LRRC32: variants seen among roughly 807,000 people sequenced by gnomAD.
The protein encoded by LRRC32 is transforming growth factor beta activator LRRC32.
Under a neutral mutation model 15.0 loss-of-function variants are expected in LRRC32, and 5 were observed. The observed-to-expected ratio is 0.33, with a 90% CI of 0.17 to 0.70. The LOEUF (loss-of-function observed/expected upper bound fraction) is 0.70, where lower values mean the gene tolerates loss of function less well. Ranked by LOEUF, LRRC32 falls within the 30% of genes least tolerant of loss-of-function variation. The probability of loss-of-function intolerance (pLI) is 0.66; values close to 1 mark genes in which losing one functional copy is unlikely to be tolerated. For missense variants in LRRC32, 803 were observed against 854.2 expected (o/e 0.94, Z 0.75); for synonymous variants, 391 against 403.9 (o/e 0.97, Z 0.38).
intron 1 of LRRC32, among the ~76,000 whole-genome samples, 200 bp downstream of exon 1, chr11:76,670,414 A>T (rs987862056): frequency 1.3e-5 from 2 of 152,182 alleles, no homozygotes; most frequent in African/African-American, 4.8e-5. Context: ...TGCGGGAAAG[A>T]TCCGCCAAGA....
At chr11:76,669,594 A>C (rs1006687226) in intron 1 of LRRC32, among the ~76,000 whole-genome samples, 76 of 152,162 alleles carry the variant, frequency 5.0e-4, no homozygotes, top group African/African-American at 1.7e-3. Flanking sequence ...AAGTGAAGTG[A>C]CTTACCCCCA....
Position 76,660,058 on chromosome 11 carries a change from C to T in LRRC32, c.1535G>A (p.Cys512Tyr). ...GLMVLQVDLP[C>Y]FICLKRLNLA... ...ATTGAGCCGCTTGAGGCAGATGAAG[C>T]AGGGCAGGTCCACCTGCAGGACCAT... Residue 512 changes from cysteine (C) to tyrosine (Y), a missense_variant, in exon 3 of 3, where the codon TGC becomes TAC. Cys to Tyr is a radical substitution (Grantham distance 194, BLOSUM62 -2). Transcript: ENST00000260061. The T allele has an allele frequency of 6.2e-7, 1 of 1,614,130 alleles. No homozygotes were observed. The highest frequency in any genetic ancestry group is 2.2e-5 in the East Asian group (1 of 44,890).
rs765958628 is a variant in LRRC32, at chr11:76,660,672, C to T, written c.921G>A (p.Gly307=). The part of the protein sequence containing the change: ...WSALPLSAPS[G]NASGRPLSQL... The stretch of plus-strand genomic sequence containing the variant: ...GGGAAAGGGGGCGGCCGCTGGCATT[C>T]CCGCTGGGGGCTGAGAGGGGCAGGG... Residue 307 remains glycine, a synonymous_variant, in exon 3 of 3, where the codon GGG becomes GGA. Transcript: ENST00000260061. 6.2e-7 allele frequency: 1 copy of T among 1,614,138 alleles called. No homozygotes were observed. The highest frequency in any genetic ancestry group is 8.5e-7 in the Non-Finnish European group (1 of 1,180,016).
At chr11:76,666,061 C>A in intron 1 of LRRC32, 103 bp from the exon 2 acceptor site, 1 of 1,013,908 alleles carries the variant, frequency 9.9e-7, no homozygotes, top group East Asian at 2.4e-5. Context: ...CAGGGAACCC[C>A]AGAGCACGGC....
In LRRC32 at chr11:76,666,835, C is replaced by T. The variant is rs535950415; in HGVS notation, c.-4-877G>A. On this transcript the variant is annotated intron_variant, in intron 1 of 2. Coordinates refer to ENST00000260061, the MANE Select transcript of LRRC32 (RefSeq NM_001128922.2). ...CATTCACACCTTTACTGAATACCTC[C>T]TCATGTCTGGCTCTGTGCTGGGAAC... Among the ~76,000 whole-genome samples, 3 of 152,378 alleles carry T rather than the reference C, an allele frequency of 2.0e-5. No homozygotes were observed. In the South Asian group the frequency reaches 6.2e-4, roughly 32 times the overall value.
chr11:76,668,082 A>T (rs61893519), intron 1 of LRRC32, among the ~76,000 whole-genome samples: 1 of 150,860 alleles, frequency 6.6e-6, no homozygotes, highest in African/African-American at 2.4e-5. Context: ...GGGGCTCACC[A>T]TCCTTTAAGA....
At position 76,658,275 on chromosome 11, in the gene LRRC32, T is replaced by C. The variant is rs1463112412; in HGVS notation, c.*1329A>G. On this transcript the variant is annotated 3_prime_UTR_variant, in exon 3 of 3. Coordinates refer to ENST00000260061, the MANE Select transcript of LRRC32 (RefSeq NM_001128922.2). The stretch of plus-strand genomic sequence containing the variant: ...TGTGCAATGGGGAGGTTGGATTCCA[T>C]AGTCTCAAACTCCAGGCTCTGCTCA... The C allele has an allele frequency of 6.6e-6, 1 of 152,338 alleles. No individual in the cohort carries two copies. Among genetic ancestry groups the C allele is most frequent in the African/African-American group, 2.4e-5 (1 of 41,426 alleles). 9.4% of individuals were successfully genotyped at this position (152,338 alleles called of 1,614,324 possible). A position where few individuals can be genotyped will look rare whatever the true frequency, so the allele number is the denominator to read the frequency against.
In LRRC32 at chr11:76,659,987, C is replaced by T. The variant is rs1952483682; in HGVS notation, c.1606G>A (p.Val536Met). The T allele has an allele frequency of 1.9e-6, 3 of 1,614,158 alleles. No homozygotes were observed. Among genetic ancestry groups the T allele is most frequent in the East Asian group, 2.2e-5 (1 of 44,880 alleles). ...LSHLPAWTQA[V>M]SLEVLDLRNN... is the part of the protein sequence containing the mutation. ...CGCAGGTCCAGCACCTCCAGTGACA[C>T]AGCCTGTGTCCAGGCGGGAAGGTGG... The change falls in exon 3 of 3, where the codon GTG becomes ATG. Residue 536 changes from valine to methionine, a missense_variant. Coordinates refer to ENST00000260061, the MANE Select transcript of LRRC32 (RefSeq NM_001128922.2).
At chr11:76,666,110 C>G (rs1952621972) in intron 1 of LRRC32, 152 bp from the exon 2 acceptor site, 1 of 667,964 alleles carries the variant, frequency 1.5e-6, no homozygotes, top group African/African-American at 1.8e-5. Flanking sequence ...GGGCAGAGAG[C>G]CAGGTGGGAA....
chr11:76,661,295 C>G lies in LRRC32; in HGVS notation c.298G>C (p.Glu100Gln). 6.2e-7 allele frequency: 1 copy of G among 1,614,164 alleles called. No individual in the cohort carries two copies. The highest frequency in any genetic ancestry group is 8.5e-7 in the Non-Finnish European group (1 of 1,180,026). The change falls in exon 3 of 3, where the codon GAG becomes CAG. Residue 100 changes from glutamate (E) to glutamine (Q), a missense_variant. By Grantham distance (29) the Glu-to-Gln change is conservative (BLOSUM62 2). Transcript: ENST00000260061. Reference sequence around the variant, plus strand: ...CGGTTGTGAGCCAGGCTGAGGTGCTCCAGGTGGGTCAGGGCCTGGAAGGCT... The same window carrying G: ...CGGTTGTGAGCCAGGCTGAGGTGCTGCAGGTGGGTCAGGGCCTGGAAGGCT... ...PGAFQALTHL[E>Q]HLSLAHNRLA...
rs1590763440 is a variant in LRRC32, at chr11:76,660,422, G to A, written c.1171C>T (p.Leu391=). The A allele has an allele frequency of 6.2e-7, 1 of 1,613,704 alleles. No homozygotes were observed. Among genetic ancestry groups the A allele is most frequent in the East Asian group, 2.2e-5 (1 of 44,854 alleles). Residue 391 remains leucine, a synonymous_variant, in exon 3 of 3, where the codon CTG becomes TTG. Transcript: ENST00000260061. ...CGCAGGGCATTGCCCTGTAGGAGCAGCGTCCGCAGAGACCCCAGGGCTCTG... is the reference window on the plus strand; with the variant it reads ...CGCAGGGCATTGCCCTGTAGGAGCAACGTCCGCAGAGACCCCAGGGCTCTG... ...GARALGSLRT[L]LLQGNALRDL...
In LRRC32 at chr11:76,662,431, G is replaced by A. The variant is rs116209056; in HGVS notation, c.85-923C>T. On this transcript the variant is annotated intron_variant, in intron 2 of 2. Transcript: ENST00000260061. Reference sequence around the variant, plus strand: ...TTACCACAGCCTGCCCATCTGATACGATCACCCCTATTTACAGAAATCTAG... The same window carrying A: ...TTACCACAGCCTGCCCATCTGATACAATCACCCCTATTTACAGAAATCTAG... Among the ~76,000 whole-genome samples, 382 of 152,172 alleles carry A rather than the reference G, an allele frequency of 2.5e-3. 3 individuals are homozygous for A. The highest frequency in any genetic ancestry group is 8.1e-3 in the African/African-American group (337 of 41,484).
At position 76,660,260 on chromosome 11, in the gene LRRC32, G is replaced by C; in HGVS notation, c.1333C>G (p.Leu445Val). Reference protein sequence around the residue: ...GCVAFSGITSLRSLSLVDNEI... With the variant: ...GCVAFSGITSVRSLSLVDNEI... ...TTATCCACCAGGCTCAGGCTGCGGA[G>C]GGAGGTGATGCCGGAGAAGGCCACA... The change falls in exon 3 of 3, where the codon CTC becomes GTC. Residue 445 changes from leucine (L) to valine (V), a missense_variant. Transcript: ENST00000260061. 1 of 1,576,856 alleles carries C rather than the reference G, an allele frequency of 6.3e-7. No individual in the cohort carries two copies. The highest frequency in any genetic ancestry group is 8.6e-7 in the Non-Finnish European group (1 of 1,163,922).
chr11:76,660,294 G>A lies in LRRC32; in HGVS notation c.1299C>T (p.Pro433=). Residue 433 remains proline, a synonymous_variant, in exon 3 of 3, where the codon CCC becomes CCT. Coordinates refer to ENST00000260061, the MANE Select transcript of LRRC32 (RefSeq NM_001128922.2). ...SPCGGPDEPG[P]SGCVAFSGIT... is the part of the protein sequence containing the mutation. Reference sequence around the variant, plus strand: ...TGCCGGAGAAGGCCACACAGCCGGAGGGGCCAGGCTCATCTGGCCCCCCAC... The same window carrying A: ...TGCCGGAGAAGGCCACACAGCCGGAAGGGCCAGGCTCATCTGGCCCCCCAC... The A allele has an allele frequency of 6.9e-6, 11 of 1,585,866 alleles. No individual in the cohort carries two copies. The highest frequency in any genetic ancestry group is 9.4e-6 in the Non-Finnish European group (11 of 1,168,286).
Position 76,661,106 on chromosome 11 carries a change from G to C in LRRC32, c.487C>G (p.Arg163Gly). ...TCCCGGAAGGTGTGGCGGGTGAGGCGAGTCAGACTGTTCTCCGCCAGTGAG... is the reference window on the plus strand; with the variant it reads ...TCCCGGAAGGTGTGGCGGGTGAGGCCAGTCAGACTGTTCTCCGCCAGTGAG... ...TLSLAENSLT[R>G]LTRHTFRDMP... The change falls in exon 3 of 3, where the codon CGC (arginine) becomes GGC (glycine). Residue 163 changes from arginine to glycine, a missense_variant. Arg to Gly is a moderately radical substitution (Grantham distance 125). Transcript: ENST00000260061. 2.5e-6 allele frequency: 4 copies of C among 1,613,916 alleles called. No individual in the cohort carries two copies. The highest frequency in any genetic ancestry group is 3.4e-6 in the Non-Finnish European group (4 of 1,179,988).
rs2120031445 is a variant in LRRC32 at position 76,659,048 on chromosome 11, G to A, written c.*556C>T. On this transcript the variant is annotated 3_prime_UTR_variant, in exon 3 of 3. Transcript: ENST00000260061. The stretch of plus-strand genomic sequence containing the variant: ...TCAGAGAGACTGAAAGTCATTCTCA[G>A]AAGACGTGACAAACAGTCTGCTTGG... 1 of 155,402 alleles carries A rather than the reference G, an allele frequency of 6.4e-6. No individual in the cohort carries two copies. Among genetic ancestry groups the A allele is most frequent in the East Asian group, 1.9e-4 (1 of 5,356 alleles). The allele number at this position is 155,402 out of a possible 1,614,324, so 9.6% of individuals were successfully genotyped here.
chr11:76,667,806 G>A (rs566204554), intron 1 of LRRC32, among the ~76,000 whole-genome samples: 1 of 152,344 alleles, frequency 6.6e-6, no homozygotes, highest in South Asian at 2.1e-4. Context: ...CTCACATTCT[G>A]GGTTCTGGAC....
chr11:76,667,482 G>A (rs553487807), intron 1 of LRRC32, among the ~76,000 whole-genome samples: 1 of 152,306 alleles, frequency 6.6e-6, no homozygotes, highest in Admixed American at 6.5e-5. Context: ...AGCTATGGAC[G>A]AAGATGGCTG....
chr11:76,661,515 A>C lies in LRRC32; in HGVS notation c.85-7T>G. The C allele has an allele frequency of 4.1e-6, 5 of 1,225,312 alleles. No individual in the cohort carries two copies. The highest frequency in any genetic ancestry group is 4.7e-6 in the Non-Finnish European group (4 of 859,428). 75.9% of individuals were successfully genotyped at this position (1,225,312 alleles called of 1,614,324 possible). A position where few individuals can be genotyped will look rare whatever the true frequency, so the allele number is the denominator to read the frequency against. On this transcript the variant is annotated splice_region_variant and splice_polypyrimidine_tract_variant and intron_variant, in intron 2 of 2. Coordinates refer to ENST00000260061, the MANE Select transcript of LRRC32 (RefSeq NM_001128922.2). ...ACGAGACCTTCTTGTCCACCTGGGG[A>C]GGGGTAGGGTGGGGAGACAGCTGGC...
Sources: gnomAD v4.1 joint callset for allele counts (sites outside exome capture counted in the v4.1 genomes callset) on GRCh38, gnomAD v4.1.1 for gene constraint, MANE v1.5 for transcripts, NCBI Gene and HGNC (gene_info 2026-07-23, HGNC 2026-07-21) for gene names.